Variants in CRYL1 observed in about 807,000 individuals in gnomAD.
The protein encoded by CRYL1 is crystallin lambda 1, also known as lambda-crystallin homolog.
A neutral mutation model predicts 36.6 loss-of-function variants in CRYL1; 29 were observed. That is an observed-to-expected ratio of 0.79 (90% CI 0.59 to 1.08). The LOEUF (loss-of-function observed/expected upper bound fraction) is 1.08. Among genes scored for constraint, CRYL1 ranks in the 50% least tolerant of loss-of-function variants. CRYL1 has a pLI of 0.00. For synonymous variants in CRYL1, 152 were observed against 151.5 expected (o/e 1.00, Z -0.02); for missense variants, 411 against 407.9 (o/e 1.01, Z -0.06).
intron 3 of CRYL1, among the ~76,000 whole-genome samples, chr13:20,476,637 A>G (rs942941069): frequency 6.6e-6 from 1 of 152,248 alleles, no homozygotes; most frequent in Non-Finnish European, 1.5e-5. Context: ...GAAGAAAAAC[A>G]TGCAGCAGGG....
intron 3 of CRYL1, among the ~76,000 whole-genome samples, chr13:20,441,605 T>C (rs1002348137): frequency 2.6e-5 from 4 of 152,214 alleles, no homozygotes; most frequent in Non-Finnish European, 5.9e-5. Flanking sequence ...GAATACAGTA[T>C]AAACACGAGC....
chr13:20,430,123 G>C, intron 5 of CRYL1: 1 of 880,058 alleles, frequency 1.1e-6, no homozygotes, highest in Non-Finnish European at 1.4e-6. Flanking sequence ...CCCCACCCCT[G>C]CCAGGAGAGG....
chr13:20,506,510 C>A (rs1025812462), intron 2 of CRYL1, among the ~76,000 whole-genome samples: 2 of 151,658 alleles, frequency 1.3e-5, no homozygotes, highest in Non-Finnish European at 2.9e-5. Context: ...AGTAGGATAA[C>A]AGGAAAGCCT....
chr13:20,499,727 A>G (rs1244710175), intron 2 of CRYL1, among the ~76,000 whole-genome samples: 2 of 152,142 alleles, frequency 1.3e-5, no homozygotes, highest in Non-Finnish European at 2.9e-5. Flanking sequence ...GTTTATATAG[A>G]TGTGTTGTCA....
intron 3 of CRYL1, among the ~76,000 whole-genome samples, chr13:20,471,736 T>C (rs2033065011): frequency 6.6e-6 from 1 of 152,208 alleles, no homozygotes; most frequent in South Asian, 2.1e-4. Flanking sequence ...CATCAGACAC[T>C]GGTTCCAGGA....
intron 3 of CRYL1, among the ~76,000 whole-genome samples, chr13:20,482,447 G>C (rs183491707): frequency 6.6e-6 from 1 of 152,244 alleles, no homozygotes; most frequent in African/African-American, 2.4e-5. Context: ...GTCAAGGCTT[G>C]AGACCAGCTT....
At position 20,425,937 on chromosome 13, in the gene CRYL1, G is replaced by A. The variant is rs184535465; in HGVS notation, c.633+6165C>T. Among the ~76,000 whole-genome samples the A allele has an allele frequency of 1.1e-3, 167 of 152,238 alleles. No homozygotes were observed. Among genetic ancestry groups the A allele is most frequent in the Non-Finnish European group, 1.5e-3 (102 of 68,012 alleles). On this transcript the variant is annotated intron_variant, in intron 5 of 7. Coordinates refer to ENST00000298248, the MANE Select transcript of CRYL1 (RefSeq NM_015974.3). The surrounding 1 kb of genome is among the most constrained non-coding windows in gnomAD (Gnocchi z 4.4). ...GGCATTCAGCTACAATCAGCTATACGGGAGTGCTGTTTCTGGGTGTCCCTC... is the reference window on the plus strand; with the variant it reads ...GGCATTCAGCTACAATCAGCTATACAGGAGTGCTGTTTCTGGGTGTCCCTC...
chr13:20,518,716 G>A (rs145538843), intron 1 of CRYL1, among the ~76,000 whole-genome samples: 35 of 152,308 alleles, frequency 2.3e-4, no homozygotes, highest in African/African-American at 7.7e-4. Context: ...TGGGTGTCAG[G>A]AGGCTGGTGC....
At position 20,470,910 on chromosome 13, in the gene CRYL1, C is replaced by CAAAAAAAAAAAAAAAAA. The variant is rs11353451; in HGVS notation, c.276+18459_276+18460insTTTTTTTTTTTTTTTTT. Among the ~76,000 whole-genome samples, 39 of 40,870 alleles carry CAAAAAAAAAAAAAAAAA rather than the reference C, an allele frequency of 9.5e-4. 1 individual carries two copies. Among genetic ancestry groups the CAAAAAAAAAAAAAAAAA allele is most frequent in the African/African-American group, 3.2e-3 (37 of 11,468 alleles). The allele number at this position is 40,870 out of a possible 152,430, so 26.8% of individuals were successfully genotyped here. A position where few individuals can be genotyped will look rare whatever the true frequency, so the allele number is the denominator to read the frequency against. On this transcript the variant is annotated intron_variant, in intron 3 of 7. Transcript: ENST00000298248. ...GGGCAAAAAGAGCAAAACTCCATCT[C>CAAAAAAAAAAAAAAAAA]AAAAAAAAAAAAAAAACAAAAAAAA... is the stretch of plus-strand genomic sequence containing the variant.
chr13:20,466,352 G>A (rs1456300712), intron 3 of CRYL1, among the ~76,000 whole-genome samples: 1 of 152,158 alleles, frequency 6.6e-6, no homozygotes, highest in Non-Finnish European at 1.5e-5. Context: ...GTACATAAAA[G>A]GACACTATAG....
intron 4 of CRYL1, among the ~76,000 whole-genome samples, chr13:20,438,491 C>G (rs1265974577): frequency 6.6e-6 from 1 of 152,198 alleles, no homozygotes; most frequent in East Asian, 1.9e-4. Context: ...GTAACCCTCA[C>G]GATTCTCCAG....
intron 5 of CRYL1, among the ~76,000 whole-genome samples, chr13:20,420,323 C>T (rs966124248): frequency 3.9e-5 from 6 of 152,086 alleles, no homozygotes; most frequent in African/African-American, 1.4e-4. Context: ...GCACAGCTGC[C>T]GGAGGAGAGG....
chr13:20,432,655 A>C lies in CRYL1; in HGVS notation c.439-359T>G, dbSNP rs556863364. ...CTTCAAAGCTTCCTCCCAGCCCACC[A>C]CCCCCCAGAATCATGTCTTCCCATC... On this transcript the variant is annotated intron_variant, in intron 4 of 7. Coordinates refer to ENST00000298248, the MANE Select transcript of CRYL1 (RefSeq NM_015974.3). 2.6e-5 allele frequency among the ~76,000 whole-genome samples: 4 copies of C among 151,596 alleles called. No homozygotes were observed. The South Asian group carries it at 8.4e-4, about 32-fold the overall frequency.
chr13:20,430,867 G>C (rs1398101484), intron 5 of CRYL1: 4 of 984,882 alleles, frequency 4.1e-6, no homozygotes, highest in Non-Finnish European at 4.8e-6. Flanking sequence ...TCTCCAAAAA[G>C]GTTCTGATAG....
At chr13:20,442,263 T>G (rs1025966626) in intron 3 of CRYL1, among the ~76,000 whole-genome samples, 9 of 152,240 alleles carry the variant, frequency 5.9e-5, no homozygotes, top group African/African-American at 2.2e-4. Flanking sequence ...AACTCAAATC[T>G]GTTACAATTA....
intron 3 of CRYL1, among the ~76,000 whole-genome samples, chr13:20,472,484 T>C (rs1016971396): frequency 6.6e-6 from 1 of 152,156 alleles, no homozygotes; most frequent in Non-Finnish European, 1.5e-5. Flanking sequence ...CATTTCCTCC[T>C]CAATACAGCC....
At chr13:20,454,980 AG>A (rs1482036768) in intron 3 of CRYL1, among the ~76,000 whole-genome samples, 1 of 152,242 alleles carries the variant, frequency 6.6e-6, no homozygotes, top group Non-Finnish European at 1.5e-5. Context: ...AGATATAAAA[AG>A]CATATAGATT....
chr13:20,434,949 G>A (rs2032175711), intron 4 of CRYL1, among the ~76,000 whole-genome samples: 1 of 152,084 alleles, frequency 6.6e-6, no homozygotes, highest in African/African-American at 2.4e-5. Flanking sequence ...TGGGACTCCT[G>A]CTGGGGTCTC....
At chr13:20,492,685 TG>T (rs1390039415) in intron 2 of CRYL1, among the ~76,000 whole-genome samples, 1 of 152,302 alleles carries the variant, frequency 6.6e-6, no homozygotes, top group Admixed American at 6.5e-5. Flanking sequence ...CTCCCCATCT[TG>T]CCATTCTTAA....
Sources: allele counts gnomAD v4.1 joint callset (sites outside exome capture counted in the v4.1 genomes callset), GRCh38; gene constraint gnomAD v4.1.1; non-coding constraint Gnocchi (gnomAD v3.1); transcripts MANE v1.5; gene names NCBI Gene and HGNC (gene_info 2026-07-23, HGNC 2026-07-21).